The following SH3RF3 variants were observed in gnomAD, a reference collection of about 807,000 sequenced individuals.
The protein encoded by SH3RF3 is E3 ubiquitin-protein ligase SH3RF3.
A neutral mutation model predicts 66.3 loss-of-function variants in SH3RF3; 29 were observed. The observed-to-expected ratio is 0.44, with a 90% CI of 0.33 to 0.60. SH3RF3 has a LOEUF of 0.60. Ranked by LOEUF, SH3RF3 falls within the 20% of genes least tolerant of loss-of-function variation. SH3RF3 has a pLI of 0.04. For missense variants in SH3RF3, 1,194 were observed against 1,190.9 expected, an observed-to-expected ratio of 1.00 and a Z score of -0.04; for synonymous variants, 583 against 532.0, an observed-to-expected ratio of 1.10 and a Z score of -1.32.
At chr2:109,390,938 G>A (rs533169047) in intron 3 of SH3RF3, among the ~76,000 whole-genome samples, 21 of 152,270 alleles carry the variant, frequency 1.4e-4, no homozygotes, top group Non-Finnish European at 2.2e-4. Context: ...TGGGGTAGGC[G>A]GGCAGGTTCC....
chr2:109,431,598 T>G (rs894589587), intron 5 of SH3RF3, among the ~76,000 whole-genome samples: 3 of 152,186 alleles, frequency 2.0e-5, no homozygotes, highest in Non-Finnish European at 2.9e-5. Context: ...AAATAAGACT[T>G]AAAATTAAGG....
At chr2:109,326,346 A>AGTT (rs1201718802) in intron 1 of SH3RF3, among the ~76,000 whole-genome samples, 1 of 151,792 alleles carries the variant, frequency 6.6e-6, no homozygotes, top group African/African-American at 2.4e-5. Flanking sequence ...TGGGTATTTC[A>AGTT]GTTGTTGTTG....
At chr2:109,282,599 G>C (rs534032746) in intron 1 of SH3RF3, among the ~76,000 whole-genome samples, 2 of 152,324 alleles carry the variant, frequency 1.3e-5, no homozygotes, top group East Asian at 3.9e-4. Context: ...GGCGCACAGA[G>C]CCAATGCACG....
chr2:109,142,046 G>T (rs567464249), intron 1 of SH3RF3, among the ~76,000 whole-genome samples: 2 of 151,580 alleles, frequency 1.3e-5, no homozygotes, highest in East Asian at 1.9e-4. Context: ...AGTCTCCTGG[G>T]GGGGGGGTCT....
intron 2 of SH3RF3, 22 bp downstream of exon 2, chr2:109,347,971 G>A: frequency 6.4e-7 from 1 of 1,574,272 alleles, no homozygotes; most frequent in South Asian, 1.2e-5. Context: ...CCCGGGGTGG[G>A]CCCCGCCAGC....
intron 1 of SH3RF3, among the ~76,000 whole-genome samples, chr2:109,334,817 T>G (rs1308339627): frequency 6.6e-6 from 1 of 152,250 alleles, no homozygotes; most frequent in Admixed American, 6.5e-5. Flanking sequence ...TAGAATGTTA[T>G]GTGCCACTTG....
chr2:109,492,727 C>A (rs1482085353), intron 9 of SH3RF3, among the ~76,000 whole-genome samples: 1 of 152,160 alleles, frequency 6.6e-6, no homozygotes, highest in African/African-American at 2.4e-5. Context: ...ACTTTCTGAC[C>A]TCATGGCCCA....
chr2:109,490,099 T>C (rs1679092141), intron 8 of SH3RF3, among the ~76,000 whole-genome samples: 1 of 152,238 alleles, frequency 6.6e-6, no homozygotes, highest in African/African-American at 2.4e-5. Flanking sequence ...AGGTTATCTT[T>C]AAAGTTTCCT....
At chr2:109,355,334 A>T (rs1458539332) in intron 2 of SH3RF3, among the ~76,000 whole-genome samples, 2 of 152,186 alleles carry the variant, frequency 1.3e-5, no homozygotes, top group African/African-American at 4.8e-5. Flanking sequence ...ACTCTTGGTG[A>T]TGCCTGTGGT....
chr2:109,357,060 A>T (rs917581186), intron 2 of SH3RF3, among the ~76,000 whole-genome samples: 5 of 151,060 alleles, frequency 3.3e-5, no homozygotes, highest in East Asian at 1.9e-4. Context: ...CCTTTTTAAA[A>T]TTTTTTTTTA....
intron 4 of SH3RF3, among the ~76,000 whole-genome samples, chr2:109,405,290 G>A (rs756632068): frequency 3.9e-5 from 6 of 152,022 alleles, no homozygotes; most frequent in Admixed American, 6.5e-5. Flanking sequence ...GTTCCTCAAG[G>A]AGTCACCACT....
At chr2:109,253,090 C>T (rs959292454) in intron 1 of SH3RF3, among the ~76,000 whole-genome samples, 3 of 151,888 alleles carry the variant, frequency 2.0e-5, no homozygotes, top group Admixed American at 6.6e-5. Context: ...TGCAGTGGTG[C>T]GATCTCAGGT....
intron 1 of SH3RF3, among the ~76,000 whole-genome samples, chr2:109,321,181 C>G (rs1682018750): frequency 6.6e-6 from 1 of 152,252 alleles, no homozygotes; most frequent in African/African-American, 2.4e-5. Context: ...CTTTGCAGCT[C>G]TTCACATTCT....
chr2:109,244,522 A>G (rs760191976), intron 1 of SH3RF3, among the ~76,000 whole-genome samples: 4 of 152,180 alleles, frequency 2.6e-5, no homozygotes, highest in Non-Finnish European at 4.4e-5. Flanking sequence ...TTAAATTTAT[A>G]GGGCCCTAAG....
At chr2:109,195,717 T>C (rs1678482876) in intron 1 of SH3RF3, among the ~76,000 whole-genome samples, 1 of 152,222 alleles carries the variant, frequency 6.6e-6, no homozygotes, top group South Asian at 2.1e-4. Flanking sequence ...TTTTTTTTGG[T>C]ACTCATTTGA....
intron 7 of SH3RF3, among the ~76,000 whole-genome samples, chr2:109,444,723 C>T (rs1253673666): frequency 6.6e-6 from 1 of 152,176 alleles, no homozygotes; most frequent in Non-Finnish European, 1.5e-5. Context: ...GCACTAACAA[C>T]AGAACTGCCA....
chr2:109,379,816 C>T (rs1414725687), intron 3 of SH3RF3, among the ~76,000 whole-genome samples: 1 of 151,994 alleles, frequency 6.6e-6, no homozygotes, highest in Non-Finnish European at 1.5e-5. Context: ...GGCAGGAAAG[C>T]CAGAAGCGAG....
chr2:109,358,814 T>C (rs1394205079), intron 2 of SH3RF3, among the ~76,000 whole-genome samples: 1 of 152,236 alleles, frequency 6.6e-6, no homozygotes, highest in African/African-American at 2.4e-5. Flanking sequence ...AATTCTTTCT[T>C]TTGTGGATCA....
intron 4 of SH3RF3, among the ~76,000 whole-genome samples, chr2:109,403,944 G>T (rs1676382285): frequency 6.6e-6 from 1 of 152,202 alleles, no homozygotes; most frequent in Admixed American, 6.5e-5. Context: ...CTCCTTGGTA[G>T]GTGTACCTTG....
Sources: allele counts gnomAD v4.1 joint callset (sites outside exome capture counted in the v4.1 genomes callset), GRCh38; gene constraint gnomAD v4.1.1; transcripts MANE v1.5; gene names NCBI Gene and HGNC (gene_info 2026-07-23, HGNC 2026-07-21).